Variants in CD109 observed in about 807,000 individuals in gnomAD.
CD109 encodes the protein CD109 antigen.
In CD109, 149 loss-of-function variants were observed where a neutral mutation model predicts 165.8. That is an observed-to-expected ratio of 0.90 (90% CI 0.79 to 1.03). The LOEUF (loss-of-function observed/expected upper bound fraction) is 1.03, where lower values mean the gene tolerates loss of function less well. Among genes scored for constraint, CD109 ranks in the 50% least tolerant of loss-of-function variants. CD109 has a pLI of 0.00. For synonymous variants in CD109, 585 were observed against 592.1 expected (o/e 0.99, Z 0.18); for missense variants, 1,712 against 1,677.8 (o/e 1.02, Z -0.36).
intron 22 of CD109, among the ~76,000 whole-genome samples, chr6:73,791,186 CACATACATATATAT>C (rs1774942697): frequency 1.6e-4 from 3 of 18,390 alleles, no homozygotes; most frequent in Admixed American, 8.9e-4. Context: ...TACACACACA[CACATACATATATAT>C]ATATATATAT....
At chr6:73,746,425 G>A (rs1047365935) in intron 5 of CD109, among the ~76,000 whole-genome samples, 3 of 152,296 alleles carry the variant, frequency 2.0e-5, no homozygotes, top group South Asian at 2.1e-4. Flanking sequence ...CTGTAGCTAT[G>A]CTGCTGCTTT....
chr6:73,805,850 C>T (rs1027305534), intron 24 of CD109, among the ~76,000 whole-genome samples: 8 of 152,106 alleles, frequency 5.3e-5, no homozygotes, highest in Admixed American at 2.0e-4. Context: ...TCAGAGGGCA[C>T]GGGGTTGGGG....
rs1484769940 is a variant in CD109 at position 73,827,376 on chromosome 6, C to G, written c.*3743C>G. Reference sequence around the variant, plus strand: ...TCGGTAGAGGCTTCTGTCGGACAGGCAGAAGAGTGTATTCCTCACTTTTTT... The same window carrying G: ...TCGGTAGAGGCTTCTGTCGGACAGGGAGAAGAGTGTATTCCTCACTTTTTT... On this transcript the variant is annotated 3_prime_UTR_variant, in exon 33 of 33. Transcript: ENST00000287097. 6.6e-6 allele frequency: 1 copy of G among 151,750 alleles called. No individual in the cohort carries two copies. Among genetic ancestry groups the G allele is most frequent in the African/African-American group, 2.4e-5 (1 of 41,292 alleles). 9.4% of individuals were successfully genotyped at this position (151,750 alleles called of 1,614,324 possible).
At chr6:73,764,157 C>CAAGGATGGGAATTTTGGCTT (rs1773746224) in intron 10 of CD109, among the ~76,000 whole-genome samples, 2 of 152,130 alleles carry the variant, frequency 1.3e-5, no homozygotes, top group African/African-American at 4.8e-5. Context: ...TTGGGCAGGG[C>CAAGGATGGGAATTTTGGCTT]TATAGAGCCA....
At chr6:73,754,272 T>C (rs1773302161) in intron 5 of CD109, among the ~76,000 whole-genome samples, 1 of 152,120 alleles carries the variant, frequency 6.6e-6, no homozygotes, top group Non-Finnish European at 1.5e-5. Flanking sequence ...TGAGAGCTGA[T>C]GAGAGCCTGA....
Position 73,762,411 on chromosome 6 carries a change from A to G in CD109, c.786A>G (p.Gly262=). 3.1e-6 allele frequency: 5 copies of G among 1,610,626 alleles called. No homozygotes were observed. The highest frequency in any genetic ancestry group is 4.2e-6 in the Non-Finnish European group (5 of 1,177,212). ...AKYTYGKPVK[G]DVTLTFLPLS... is the part of the protein sequence containing the mutation. ...ATACATATGGGAAGCCAGTGAAAGG[A>G]GACGTAACGCTTACATTTTTACCTT... Residue 262 remains glycine (G), a synonymous_variant, in exon 8 of 33, where the codon GGA becomes GGG. Transcript: ENST00000287097.
At chr6:73,781,794 CAGAGACATAGACACACACGCAG>C (rs1774514608) in intron 17 of CD109, among the ~76,000 whole-genome samples, 3 of 112,754 alleles carry the variant, frequency 2.7e-5, no homozygotes, top group South Asian at 2.7e-4. Flanking sequence ...CACACACACA[CAGAGACATAGACACACACGCAG>C]ACACACACAC....
chr6:73,721,853 C>T (rs1771962786), intron 2 of CD109, among the ~76,000 whole-genome samples: 1 of 152,186 alleles, frequency 6.6e-6, no homozygotes, highest in Admixed American at 6.5e-5. Flanking sequence ...CCTCCTTCCT[C>T]AGCTTCCCAA....
At chr6:73,817,175 C>G (rs1395936981) in intron 30 of CD109, among the ~76,000 whole-genome samples, 1 of 152,170 alleles carries the variant, frequency 6.6e-6, no homozygotes, top group Admixed American at 6.6e-5. Context: ...AAGACCTTAC[C>G]TCATACCAGG....
rs1047696471 is a variant in CD109, at chr6:73,696,233, C to G, written c.18C>G (p.Leu6=). 2.6e-6 allele frequency: 4 copies of G among 1,544,906 alleles called. No individual in the cohort carries two copies. Among genetic ancestry groups the G allele is most frequent in the Middle Eastern group, 1.7e-4 (1 of 5,944 alleles). ...CCGTCGAGATGCAGGGCCCACCGCT[C>G]CTGACCGCCGCCCACCTCCTCTGCG... is the stretch of plus-strand genomic sequence containing the variant. MQGPP[L]LTAAHLLCVC... is the part of the protein sequence containing the mutation. Residue 6 remains leucine (L), a synonymous_variant, in exon 1 of 33, where the codon CTC becomes CTG. Coordinates refer to ENST00000287097, the MANE Select transcript of CD109 (RefSeq NM_133493.5).
intron 23 of CD109, among the ~76,000 whole-genome samples, chr6:73,799,791 T>A (rs1775298131): frequency 1.3e-5 from 2 of 152,246 alleles, no homozygotes; most frequent in South Asian, 4.1e-4. Flanking sequence ...GTTTCTAGAC[T>A]ATCTTTTCTC....
intron 15 of CD109, among the ~76,000 whole-genome samples, chr6:73,772,758 T>C (rs1774087976): frequency 6.6e-6 from 1 of 152,042 alleles, no homozygotes; most frequent in South Asian, 2.1e-4. Flanking sequence ...ATGGATTCAG[T>C]AGAGTGATTA....
At chr6:73,813,599 T>C (rs911275879) in intron 29 of CD109, among the ~76,000 whole-genome samples, 3 of 152,144 alleles carry the variant, frequency 2.0e-5, no homozygotes, top group African/African-American at 7.2e-5. Context: ...TGAGATTTCT[T>C]ACAGTTGATA....
At chr6:73,805,182 A>G (rs930720009) in intron 24 of CD109, among the ~76,000 whole-genome samples, 4 of 152,224 alleles carry the variant, frequency 2.6e-5, no homozygotes, top group Admixed American at 2.0e-4. Context: ...GTCTGTGTAG[A>G]AAGAAGTAGA....
At position 73,707,129 on chromosome 6, in the gene CD109, G is replaced by A. The variant is rs530879005; in HGVS notation, c.247+9557G>A. On this transcript the variant is annotated intron_variant, in intron 2 of 32. Coordinates refer to ENST00000287097, the MANE Select transcript of CD109 (RefSeq NM_133493.5). The stretch of plus-strand genomic sequence containing the variant: ...GATTATAGAGGCTTGTTCGGGTGCC[G>A]TGTTGACAGTTTCAAAGTCAAGCGT... Among the ~76,000 whole-genome samples, 5 of 152,310 alleles carry A rather than the reference G, an allele frequency of 3.3e-5. No homozygotes were observed. The East Asian group carries it at 5.8e-4, about 18-fold the overall frequency.
chr6:73,715,366 C>A (rs1010712070), intron 2 of CD109, among the ~76,000 whole-genome samples: 2 of 151,898 alleles, frequency 1.3e-5, no homozygotes, highest in African/African-American at 4.8e-5. Context: ...AGTTTGAGAG[C>A]AGCCTGGGCA....
chr6:73,823,866 C>G lies in CD109; in HGVS notation c.*233C>G, dbSNP rs113956945. 4,353 of 358,996 alleles carry G rather than the reference C, an allele frequency of 0.012. 189 individuals carry two copies. Among genetic ancestry groups the G allele is most frequent in the African/African-American group, 0.081 (3,938 of 48,330 alleles). The allele number at this position is 358,996 out of a possible 1,614,324, so 22.2% of individuals were successfully genotyped here. A position where few individuals can be genotyped will look rare whatever the true frequency, so the allele number is the denominator to read the frequency against. On this transcript the variant is annotated 3_prime_UTR_variant, in exon 33 of 33. Coordinates refer to ENST00000287097, the MANE Select transcript of CD109 (RefSeq NM_133493.5). Reference sequence around the variant, plus strand: ...CAGTTGTGTGTCTATATTTTCCCCTCTCAAAATCTTTTAGAATTTTTTTGG... The same window carrying G: ...CAGTTGTGTGTCTATATTTTCCCCTGTCAAAATCTTTTAGAATTTTTTTGG...
intron 2 of CD109, among the ~76,000 whole-genome samples, chr6:73,701,583 C>A (rs1234995378): frequency 6.6e-6 from 1 of 152,082 alleles, no homozygotes; most frequent in East Asian, 1.9e-4. Context: ...TCTGTTAAGG[C>A]ATATAAAATA....
At chr6:73,754,741 CAAA>C (rs1261620927) in intron 5 of CD109, among the ~76,000 whole-genome samples, 1 of 152,086 alleles carries the variant, frequency 6.6e-6, no homozygotes, top group African/African-American at 2.4e-5. Context: ...TAAAAATGAT[CAAA>C]AAGTGAAGTA....
Sources: allele counts gnomAD v4.1 joint callset (sites outside exome capture counted in the v4.1 genomes callset), GRCh38; gene constraint gnomAD v4.1.1; transcripts MANE v1.5; gene names NCBI Gene and HGNC (gene_info 2026-07-23, HGNC 2026-07-21).